Variants in MYO16 observed in about 807,000 individuals in gnomAD.
The protein encoded by MYO16 is unconventional myosin-XVI.
In MYO16, 94 loss-of-function variants were observed where a neutral mutation model predicts 205.3. The observed-to-expected ratio is 0.46, with a 90% CI of 0.39 to 0.54. MYO16 has a LOEUF of 0.54. Ranked by LOEUF, MYO16 falls within the 20% of genes least tolerant of loss-of-function variation. The pLI, the probability that MYO16 is intolerant of heterozygous loss-of-function variation, is 0.00. For missense variants in MYO16, 2,315 were observed against 2,387.5 expected, an observed-to-expected ratio of 0.97 and a Z score of 0.63; for synonymous variants, 988 against 954.0, an observed-to-expected ratio of 1.04 and a Z score of -0.66.
At chr13:108,722,283 G>T (rs1884192617) in intron 3 of MYO16, among the ~76,000 whole-genome samples, 1 of 152,070 alleles carries the variant, frequency 6.6e-6, no homozygotes, top group South Asian at 2.1e-4. Flanking sequence ...ACATAAGGAA[G>T]AACAACCTGA....
intron 1 of MYO16, among the ~76,000 whole-genome samples, chr13:108,648,051 A>G (rs911804669): frequency 9.9e-5 from 15 of 152,232 alleles, no homozygotes; most frequent in Non-Finnish European, 1.6e-4. Context: ...GAAAGGAAGA[A>G]TACTGATTAA....
chr13:109,086,547 T>C (rs898921146), intron 27 of MYO16, among the ~76,000 whole-genome samples: 2 of 152,222 alleles, frequency 1.3e-5, no homozygotes, highest in Admixed American at 1.3e-4. Context: ...TGATCTTCAT[T>C]ACCATTATTA....
At chr13:109,056,421 A>G (rs2139614756) in intron 27 of MYO16, among the ~76,000 whole-genome samples, 1 of 152,282 alleles carries the variant, frequency 6.6e-6, no homozygotes, top group African/African-American at 2.4e-5. Flanking sequence ...TCTGATTTTA[A>G]GTAAATTATA....
the MYO16 span, among the ~76,000 whole-genome samples, chr13:108,499,462 T>C: frequency 6.6e-6 from 1 of 152,232 alleles, no homozygotes; most frequent in African/African-American, 2.4e-5. Flanking sequence ...AGGAGCACAC[T>C]GCGTTTGAGA....
chr13:109,026,650 C>T (rs1348779416), intron 23 of MYO16, among the ~76,000 whole-genome samples: 1 of 152,156 alleles, frequency 6.6e-6, no homozygotes, highest in Non-Finnish European at 1.5e-5. Context: ...TTCCTTGCCA[C>T]ATTTGATTCG....
intron 2 of MYO16, among the ~76,000 whole-genome samples, chr13:108,676,268 T>A (rs1246991543): frequency 6.6e-6 from 1 of 152,084 alleles, no homozygotes; most frequent in African/African-American, 2.4e-5. Context: ...AGGAATTTGA[T>A]AGCACCTTTG....
At chr13:108,500,251 TTTG>T in the MYO16 span, among the ~76,000 whole-genome samples, 3 of 90,420 alleles carry the variant, frequency 3.3e-5, no homozygotes, top group South Asian at 5.0e-4. Flanking sequence ...GTTTTTTTTT[TTTG>T]AGACGGAGTC....
At chr13:108,629,211 T>C (rs1879862736), upstream of MYO16, 1 of 152,212 alleles carries the variant, frequency 6.6e-6, no homozygotes, top group African/African-American at 2.4e-5. Flanking sequence ...TGCAAGTTTT[T>C]CATTACTAAG....
chr13:108,533,619 C>T, the MYO16 span, among the ~76,000 whole-genome samples: 1 of 152,172 alleles, frequency 6.6e-6, no homozygotes, highest in East Asian at 1.9e-4. Context: ...ACAATAGAAG[C>T]TCTGCACTGG....
Position 109,094,873 on chromosome 13 carries a change from C to T in MYO16, c.3336-5912C>T, listed in dbSNP as rs552443670. Among the ~76,000 whole-genome samples the T allele has an allele frequency of 1.2e-4, 18 of 152,276 alleles. No individual in the cohort carries two copies. The East Asian group carries it at 3.5e-3, about 29-fold the overall frequency. On this transcript the variant is annotated intron_variant, in intron 27 of 34. Coordinates refer to ENST00000457511, the MANE Select transcript of MYO16 (RefSeq NM_001198950.3). ...CATAGTATTCCATGGTGTATATGTG[C>T]CACATTTTCTTTATTCAGACTATCA... is the stretch of plus-strand genomic sequence containing the variant.
intron 1 of MYO16, among the ~76,000 whole-genome samples, chr13:108,648,207 C>T (rs1028740842): frequency 1.4e-4 from 21 of 152,340 alleles, no homozygotes; most frequent in African/African-American, 5.1e-4. Flanking sequence ...TCAAACTTAA[C>T]TTACATGATC....
the MYO16 span, among the ~76,000 whole-genome samples, chr13:108,497,709 G>A: frequency 2.0e-5 from 3 of 152,094 alleles, no homozygotes; most frequent in African/African-American, 4.8e-5. Flanking sequence ...TATTTTGCAC[G>A]TGTAATTAAT....
At chr13:108,539,247 T>C in the MYO16 span, among the ~76,000 whole-genome samples, 1 of 152,150 alleles carries the variant, frequency 6.6e-6, no homozygotes, top group Non-Finnish European at 1.5e-5. Flanking sequence ...AGACACATAA[T>C]ATTCAATATC....
At chr13:109,034,362 G>T (rs950812479) in intron 23 of MYO16, among the ~76,000 whole-genome samples, 2 of 152,128 alleles carry the variant, frequency 1.3e-5, no homozygotes, top group African/African-American at 4.8e-5. Context: ...GGGGTGGTTT[G>T]CCCTGTGCTG....
chr13:108,988,385 G>A (rs1005090975), intron 20 of MYO16, among the ~76,000 whole-genome samples: 2 of 151,896 alleles, frequency 1.3e-5, no homozygotes, highest in Admixed American at 6.6e-5. Context: ...TGCAAAAGTC[G>A]TCCTTAAAAT....
At chr13:108,778,579 A>T (rs1331431540) in intron 4 of MYO16, among the ~76,000 whole-genome samples, 2 of 152,176 alleles carry the variant, frequency 1.3e-5, no homozygotes, top group Admixed American at 1.3e-4. Flanking sequence ...AGATCGCGCC[A>T]CTGCACTCCA....
At chr13:109,185,760 T>G (rs1341458111) in intron 34 of MYO16, among the ~76,000 whole-genome samples, 1 of 152,214 alleles carries the variant, frequency 6.6e-6, no homozygotes, top group East Asian at 1.9e-4. Flanking sequence ...CAGAAGTGAA[T>G]CATCACAATG....
chr13:108,957,986 C>T (rs1052240498), intron 17 of MYO16, among the ~76,000 whole-genome samples, 187 bp downstream of exon 17: 2 of 151,894 alleles, frequency 1.3e-5, no homozygotes, highest in African/African-American at 2.4e-5. Flanking sequence ...AGGCAGGGGG[C>T]AGGACTTCAT....
At chr13:109,130,926 A>G (rs927880648) in intron 31 of MYO16, among the ~76,000 whole-genome samples, 1 of 152,204 alleles carries the variant, frequency 6.6e-6, no homozygotes, top group Non-Finnish European at 1.5e-5. Flanking sequence ...CCAAGTACTC[A>G]GTAGCCACAG....
Sources: gnomAD v4.1 joint callset for allele counts (sites outside exome capture counted in the v4.1 genomes callset) on GRCh38, gnomAD v4.1.1 for gene constraint, MANE v1.5 for transcripts, NCBI Gene and HGNC (gene_info 2026-07-23, HGNC 2026-07-21) for gene names.